CTNNA3: variants seen among roughly 807,000 people sequenced by gnomAD.
CTNNA3 encodes catenin alpha-3.
Under a neutral mutation model 95.7 loss-of-function variants are expected in CTNNA3, and 76 were observed. That is an observed-to-expected ratio of 0.79 (90% CI 0.66 to 0.96). The LOEUF is 0.96. Ranked by LOEUF, CTNNA3 falls within the 40% of genes least tolerant of loss-of-function variation. The pLI is 0.00. For missense variants in CTNNA3, 1,191 were observed against 1,089.8 expected (o/e 1.09, Z -1.31); for synonymous variants, 431 against 374.4 (o/e 1.15, Z -1.74).
At chr10:67,435,560 G>A (rs1046561836) in intron 5 of CTNNA3, among the ~76,000 whole-genome samples, 5 of 151,912 alleles carry the variant, frequency 3.3e-5, no homozygotes, top group Non-Finnish European at 5.9e-5. Flanking sequence ...CAATATGATC[G>A]TTTACCTTGA....
At chr10:67,479,947 C>G (rs974178308) in intron 5 of CTNNA3, among the ~76,000 whole-genome samples, 1 of 152,034 alleles carries the variant, frequency 6.6e-6, no homozygotes, top group Non-Finnish European at 1.5e-5. Flanking sequence ...TCCTCAGAGA[C>G]TATTATGAAC....
At chr10:67,624,270 T>C (rs778930235) in intron 2 of CTNNA3, among the ~76,000 whole-genome samples, 2 of 152,196 alleles carry the variant, frequency 1.3e-5, no homozygotes, top group Non-Finnish European at 2.9e-5. Context: ...AATTTAATAA[T>C]AACTCTAATC....
intron 7 of CTNNA3, among the ~76,000 whole-genome samples, chr10:66,811,978 T>C (rs902241617): frequency 2.0e-5 from 3 of 152,160 alleles, no homozygotes; most frequent in Non-Finnish European, 4.4e-5. Flanking sequence ...ACTATTCACA[T>C]TTGAGCTCCT....
At chr10:67,669,911 G>A (rs996611185) in intron 1 of CTNNA3, among the ~76,000 whole-genome samples, 1 of 152,094 alleles carries the variant, frequency 6.6e-6, no homozygotes, top group African/African-American at 2.4e-5. Context: ...ATTTATAATT[G>A]GATAGCAAGA....
In CTNNA3 at chr10:66,508,797, G is replaced by A. The variant is rs551083278; in HGVS notation, c.1531+11820C>T. On this transcript the variant is annotated intron_variant, in intron 11 of 17. Transcript: ENST00000433211. ...ATCAATTCAACCTGTTGTTGAACAC[G>A]TAGGTTTATTCCATATCTTCGCTCT... Among the ~76,000 whole-genome samples, 10 of 152,084 alleles carry A rather than the reference G, an allele frequency of 6.6e-5. No homozygotes were observed. The South Asian group carries it at 2.1e-3, about 32-fold the overall frequency.
At chr10:66,318,263 TA>T (rs1446409700) in intron 12 of CTNNA3, among the ~76,000 whole-genome samples, 1 of 90,420 alleles carries the variant, frequency 1.1e-5, no homozygotes, top group African/African-American at 3.4e-5. Flanking sequence ...TGCTGGGAGA[TA>T]TATATATATA....
At chr10:67,370,717 T>C (rs1843394485) in intron 5 of CTNNA3, among the ~76,000 whole-genome samples, 1 of 152,162 alleles carries the variant, frequency 6.6e-6, no homozygotes, top group Non-Finnish European at 1.5e-5. Context: ...ATATGACATA[T>C]TTTCTGTGGA....
At chr10:67,452,847 G>A (rs138765387) in intron 5 of CTNNA3, among the ~76,000 whole-genome samples, 1,634 of 152,318 alleles carry the variant, frequency 0.011, 13 homozygotes, top group Non-Finnish European at 0.017. Flanking sequence ...AAGCCTAGGA[G>A]TCAGGGGTCA....
At chr10:66,592,124 T>C (rs1461805499) in intron 10 of CTNNA3, among the ~76,000 whole-genome samples, 1 of 151,944 alleles carries the variant, frequency 6.6e-6, no homozygotes, top group Non-Finnish European at 1.5e-5. Flanking sequence ...TGGTGACTCA[T>C]GACTCAACCA....
chr10:66,060,255 G>A (rs1486280815), intron 15 of CTNNA3, among the ~76,000 whole-genome samples: 4 of 151,756 alleles, frequency 2.6e-5, no homozygotes, highest in African/African-American at 9.7e-5. Context: ...CTAAGAGGGA[G>A]AGCAAAAAAC....
chr10:66,640,873 G>A (rs902246824), intron 9 of CTNNA3, among the ~76,000 whole-genome samples: 1 of 151,884 alleles, frequency 6.6e-6, no homozygotes, highest in African/African-American at 2.4e-5. Context: ...AGATAAAAGC[G>A]AACAAACATA....
At chr10:66,276,894 A>G (rs1430810110) in intron 13 of CTNNA3, among the ~76,000 whole-genome samples, 1 of 152,112 alleles carries the variant, frequency 6.6e-6, no homozygotes, top group African/African-American at 2.4e-5. Context: ...GTTTAATACC[A>G]TGTCTATCTT....
At chr10:65,978,136 T>C (rs2078243548) in intron 16 of CTNNA3, among the ~76,000 whole-genome samples, 2 of 152,016 alleles carry the variant, frequency 1.3e-5, no homozygotes, top group African/African-American at 4.8e-5. Context: ...TAATCCCATG[T>C]CTCCTTTTTT....
chr10:66,552,833 A>G (rs1245897496), intron 10 of CTNNA3, among the ~76,000 whole-genome samples: 1 of 151,948 alleles, frequency 6.6e-6, no homozygotes, highest in Admixed American at 6.6e-5. Flanking sequence ...CTCTGATATT[A>G]ATATAGCTTC....
At chr10:67,262,434 G>A (rs771272592) in intron 5 of CTNNA3, among the ~76,000 whole-genome samples, 11 of 152,104 alleles carry the variant, frequency 7.2e-5, no homozygotes, top group Non-Finnish European at 1.3e-4. Flanking sequence ...TTTGAAAGGG[G>A]AGGAAAGCTT....
At chr10:65,944,893 TATCTATC>T (rs879785095) in intron 17 of CTNNA3, among the ~76,000 whole-genome samples, 4,205 of 116,936 alleles carry the variant, frequency 0.036, 61 homozygotes, top group South Asian at 0.06. Flanking sequence ...TCTATCTATC[TATCTATC>T]ATCTATCTAT....
intron 6 of CTNNA3, among the ~76,000 whole-genome samples, chr10:67,189,418 T>C (rs970765693): frequency 2.6e-5 from 4 of 152,068 alleles, no homozygotes; most frequent in African/African-American, 9.7e-5. Flanking sequence ...ACTTGGTAAC[T>C]ATAGTTAATA....
intron 5 of CTNNA3, among the ~76,000 whole-genome samples, chr10:67,251,896 T>C (rs931825857): frequency 5.3e-5 from 8 of 152,012 alleles, no homozygotes; most frequent in Non-Finnish European, 8.8e-5. Context: ...TCATCACTAG[T>C]GGCCTCAGAT....
intron 13 of CTNNA3, among the ~76,000 whole-genome samples, chr10:66,176,610 A>G (rs571519717): frequency 5.3e-5 from 8 of 152,238 alleles, no homozygotes; most frequent in African/African-American, 1.9e-4. Context: ...TGACAGTATT[A>G]GAAGTTGAGG....
Sources: allele counts gnomAD v4.1 joint callset (sites outside exome capture counted in the v4.1 genomes callset), GRCh38; gene constraint gnomAD v4.1.1; transcripts MANE v1.5; gene names NCBI Gene and HGNC (gene_info 2026-07-23, HGNC 2026-07-21).